The following CDKN3 variants were observed in gnomAD, a reference collection of about 807,000 sequenced individuals.
CDKN3 encodes cyclin dependent kinase inhibitor 3, also known as cyclin-dependent kinase inhibitor 3.
CDKN3 carries 19 observed loss-of-function variants against 36.1 expected under a neutral mutation model. The ratio of observed to expected loss-of-function variants is 0.53; its 90% CI spans 0.37 to 0.77. The LOEUF (loss-of-function observed/expected upper bound fraction) is 0.77. Ranked by LOEUF, CDKN3 falls within the 30% of genes least tolerant of loss-of-function variation. The probability of loss-of-function intolerance (pLI) is 0.00; values close to 1 mark genes in which losing one functional copy is unlikely to be tolerated. For synonymous variants in CDKN3, 71 were observed against 85.3 expected, an observed-to-expected ratio of 0.83 and a Z score of 0.92; for missense variants, 188 against 248.6, an observed-to-expected ratio of 0.76 and a Z score of 1.64.
At chr14:54,419,010 T>C (rs946730601) in intron 7 of CDKN3, among the ~76,000 whole-genome samples, 9 of 151,986 alleles carry the variant, frequency 5.9e-5, no homozygotes, top group African/African-American at 1.7e-4. Flanking sequence ...AATACAAAAA[T>C]TAGCCAGGGT....
intron 4 of CDKN3, among the ~76,000 whole-genome samples, chr14:54,410,478 CAATA>C (rs2030311807): frequency 6.6e-6 from 1 of 152,122 alleles, no homozygotes. Flanking sequence ...ACCAAATGCT[CAATA>C]GTTAATATTG....
intron 7 of CDKN3, among the ~76,000 whole-genome samples, 188 bp from the exon 8 acceptor site, chr14:54,419,804 A>G (rs2030668122): frequency 6.6e-6 from 1 of 152,236 alleles, no homozygotes; most frequent in Non-Finnish European, 1.5e-5. Context: ...GTAGAACAAT[A>G]GTTTTTCACA....
At chr14:54,413,376 A>C (rs556383991) in intron 5 of CDKN3, among the ~76,000 whole-genome samples, 1 of 151,566 alleles carries the variant, frequency 6.6e-6, no homozygotes, top group East Asian at 1.9e-4. Context: ...TTTTCAAATA[A>C]ATTTTTGAAA....
intron 1 of CDKN3, 45 bp downstream of exon 1, chr14:54,397,122 C>T (rs1352078749): frequency 1.4e-6 from 2 of 1,459,698 alleles, no homozygotes; most frequent in South Asian, 1.4e-5. Context: ...GCGGCAGGGA[C>T]GCAAGCGGTC....
At chr14:54,402,893 T>C (rs564676726) in intron 3 of CDKN3, among the ~76,000 whole-genome samples, 1 of 152,360 alleles carries the variant, frequency 6.6e-6, no homozygotes, top group Admixed American at 6.5e-5. Context: ...GCCTCTGTTC[T>C]GTTCCATTGG....
At chr14:54,414,447 T>C (rs889992643) in intron 5 of CDKN3, among the ~76,000 whole-genome samples, 3 of 151,712 alleles carry the variant, frequency 2.0e-5, no homozygotes, top group Non-Finnish European at 4.4e-5. Flanking sequence ...AAAAGATAAG[T>C]AGGAATTCAT....
chr14:54,401,586 AAC>A lies in CDKN3; in HGVS notation c.148+11_148+12del. ...GGTTTATGTGCTCTTCCAGGTGGGT[AAC>A]ACAATAATGGGCTTCCTATCAATAT... On this transcript the variant is annotated splice_region_variant and intron_variant, in intron 3 of 7. Transcript: ENST00000335183. 1 of 1,588,676 alleles carries A rather than the reference AAC, an allele frequency of 6.3e-7. No individual in the cohort carries two copies. Among genetic ancestry groups the A allele is most frequent in the Non-Finnish European group, 8.6e-7 (1 of 1,159,742 alleles).
chr14:54,411,850 A>G, intron 5 of CDKN3, 144 bp downstream of exon 5: 5 of 704,350 alleles, frequency 7.1e-6, no homozygotes, highest in Non-Finnish European at 1.3e-5. Context: ...AAGCACTGGC[A>G]CAATGTCTGG....
intron 7 of CDKN3, among the ~76,000 whole-genome samples, chr14:54,418,917 G>A (rs2030639788): frequency 6.6e-6 from 1 of 152,138 alleles, no homozygotes; most frequent in Non-Finnish European, 1.5e-5. Flanking sequence ...CTAGCACTTT[G>A]GGAGGCTGAG....
intron 7 of CDKN3, among the ~76,000 whole-genome samples, chr14:54,419,157 C>CAAAAA (rs770520508): frequency 8.0e-6 from 1 of 125,054 alleles, no homozygotes; most frequent in African/African-American, 2.9e-5. Flanking sequence ...GACCCTGTCT[C>CAAAAA]AAAAAAAAAA....
In CDKN3 at chr14:54,411,621, G is replaced by A. The variant is rs780927408; in HGVS notation, c.331G>A (p.Gly111Arg). 1.2e-6 allele frequency: 2 copies of A among 1,614,052 alleles called. No individual in the cohort carries two copies. Among genetic ancestry groups the A allele is most frequent in the East Asian group, 4.5e-5 (2 of 44,882 alleles). Residue 111 changes from glycine (G) to arginine (R), a missense_variant, in exon 5 of 8, where the codon GGA becomes AGA. Physicochemically the swap from Gly to Arg is moderately radical, Grantham distance 125. Coordinates refer to ENST00000335183, the MANE Select transcript of CDKN3 (RefSeq NM_005192.4). ...IITHHHPIADGGTPDIASCCE... is the reference protein window; with the variant it reads ...IITHHHPIADRGTPDIASCCE... ...CACCCATCATCATCCAATCGCAGATGGAGGGACTCCTGACATAGCCAGCTG... is the reference window on the plus strand; with the variant it reads ...CACCCATCATCATCCAATCGCAGATAGAGGGACTCCTGACATAGCCAGCTG...
intron 1 of CDKN3, 73 bp downstream of exon 1, chr14:54,397,150 G>C: frequency 7.2e-7 from 1 of 1,394,948 alleles, no homozygotes; most frequent in South Asian, 1.5e-5. Context: ...CCCGATCCTG[G>C]GCCGGAGGGC....
At chr14:54,399,131 A>G (rs1455612451) in intron 1 of CDKN3, among the ~76,000 whole-genome samples, 1 of 151,434 alleles carries the variant, frequency 6.6e-6, no homozygotes, top group African/African-American at 2.4e-5. Flanking sequence ...GATTACAGGC[A>G]TGTGCCACCA....
chr14:54,412,714 G>T (rs887148035), intron 5 of CDKN3: 1 of 344,306 alleles, frequency 2.9e-6, no homozygotes, highest in Non-Finnish European at 6.0e-6. Context: ...TAAAAAACAA[G>T]AGATGCTCTG....
intron 1 of CDKN3, among the ~76,000 whole-genome samples, chr14:54,398,236 C>T (rs1263173375): frequency 1.3e-5 from 2 of 152,340 alleles, no homozygotes; most frequent in South Asian, 4.1e-4. Context: ...CTAGAAAGAG[C>T]ATTAGGTGCT....
At chr14:54,414,527 A>C (rs2030465029) in intron 5 of CDKN3, among the ~76,000 whole-genome samples, 1 of 151,646 alleles carries the variant, frequency 6.6e-6, no homozygotes, top group African/African-American at 2.4e-5. Context: ...AAGACACTGA[A>C]GTGTTCTATC....
intron 4 of CDKN3, among the ~76,000 whole-genome samples, chr14:54,409,083 A>T (rs1453545116): frequency 6.6e-6 from 1 of 152,126 alleles, no homozygotes; most frequent in African/African-American, 2.4e-5. Flanking sequence ...GTAAATAGGA[A>T]ACTGACATAT....
chr14:54,401,228 T>G (rs1290517579), intron 2 of CDKN3, among the ~76,000 whole-genome samples: 3 of 151,484 alleles, frequency 2.0e-5, no homozygotes, highest in African/African-American at 7.4e-5. Flanking sequence ...CCTGCCTGCC[T>G]TGGCCTCTCT....
In CDKN3 at chr14:54,415,879, A is replaced by G. The variant is rs752879972; in HGVS notation, c.417-20A>G. ...GATGGAATGAAATGTACAAACTTCAAAACTGTATTTCCCTTTCAGCTGCTA... is the reference window on the plus strand; with the variant it reads ...GATGGAATGAAATGTACAAACTTCAGAACTGTATTTCCCTTTCAGCTGCTA... On this transcript the variant is annotated intron_variant, in intron 5 of 7. Coordinates refer to ENST00000335183, the MANE Select transcript of CDKN3 (RefSeq NM_005192.4). The G allele has an allele frequency of 5.7e-6, 9 of 1,587,544 alleles. No individual in the cohort carries two copies. In the Admixed American group the frequency reaches 1.3e-4, roughly 24 times the overall value.
Sources: allele counts gnomAD v4.1 joint callset (sites outside exome capture counted in the v4.1 genomes callset), GRCh38; gene constraint gnomAD v4.1.1; transcripts MANE v1.5; gene names NCBI Gene and HGNC (gene_info 2026-07-23, HGNC 2026-07-21).